CCNI2: variants seen among roughly 807,000 people sequenced by gnomAD.
CCNI2 encodes the protein cyclin I family member 2, also known as cyclin-I2.
A neutral mutation model predicts 33.2 loss-of-function variants in CCNI2; 32 were observed. The observed-to-expected ratio is 0.96, with a 90% CI of 0.73 to 1.30. The LOEUF (loss-of-function observed/expected upper bound fraction) is 1.30. Among genes scored for constraint, CCNI2 ranks in the 50% most tolerant of loss-of-function variants. The pLI is 0.00. For synonymous variants in CCNI2, 231 were observed against 219.9 expected (o/e 1.05, Z -0.45); for missense variants, 452 against 486.2 (o/e 0.93, Z 0.66).
intron 1 of CCNI2, 53 bp from the exon 2 acceptor site, chr5:132,748,294 C>A: frequency 1.2e-6 from 2 of 1,602,050 alleles, no homozygotes; most frequent in Non-Finnish European, 1.7e-6. Context: ...GCTGGGGGAC[C>A]AGGAGTGGCC....
In CCNI2 at chr5:132,750,867, A is replaced by G. The variant is rs144622226; in HGVS notation, c.644A>G (p.Gln215Arg). 5.6e-6 allele frequency: 9 copies of G among 1,613,278 alleles called. No individual in the cohort carries two copies. The highest frequency in any genetic ancestry group is 5.9e-6 in the Non-Finnish European group (7 of 1,179,860). The change falls in exon 4 of 6, where the codon CAA becomes CGA. Residue 215 changes from glutamine to arginine, a missense_variant. Gln to Arg is a conservative substitution (Grantham distance 43). Coordinates refer to ENST00000378731, the MANE Select transcript of CCNI2 (RefSeq NM_001039780.4). ...KVNEEEEFIP[Q>R]VKDFTKHYGS... ...ATTTTCTTTTTACAGTTTATTCCACAAGTAAAAGACTTCACAAAGCACTAT... is the reference window on the plus strand; with the variant it reads ...ATTTTCTTTTTACAGTTTATTCCACGAGTAAAAGACTTCACAAAGCACTAT...
At chr5:132,748,235 G>C in intron 1 of CCNI2, 112 bp from the exon 2 acceptor site, 1 of 1,433,936 alleles carries the variant, frequency 7.0e-7, no homozygotes, top group South Asian at 1.4e-5. Flanking sequence ...GCAGAGGAAG[G>C]GACTTCTCAC....
rs377278808 is a variant in CCNI2 at position 132,752,913 on chromosome 5, A to G, written c.1053A>G (p.Gln351=). The change falls in exon 6 of 6, where the codon CAA becomes CAG. Residue 351 remains glutamine, a synonymous_variant. Transcript: ENST00000378731. ...YSCCKELVMQ[Q]LRSLQSSSCT... ...GCTGCAAGGAACTTGTAATGCAGCAACTGAGAAGTCTTCAGTCATCCTCCT... is the reference window on the plus strand; with the variant it reads ...GCTGCAAGGAACTTGTAATGCAGCAGCTGAGAAGTCTTCAGTCATCCTCCT... 1.4e-5 allele frequency: 22 copies of G among 1,614,074 alleles called. No individual in the cohort carries two copies. The African/African-American group carries it at 2.9e-4, about 22-fold the overall frequency.
intron 1 of CCNI2, 94 bp downstream of exon 1, chr5:132,748,018 G>T (rs1158447205): frequency 1.6e-5 from 20 of 1,275,120 alleles, no homozygotes; most frequent in Non-Finnish European, 2.0e-5. Flanking sequence ...TGAAACTGGA[G>T]GCCGGGCCCT....
chr5:132,754,332 GT>G lies in CCNI2; in HGVS notation c.*1364del, dbSNP rs111617452. 2.7e-4 allele frequency: 188 copies of G among 704,428 alleles called. No individual in the cohort carries two copies. The highest frequency in any genetic ancestry group is 2.0e-3 in the Middle Eastern group (7 of 3,500). 43.6% of individuals were successfully genotyped at this position (704,428 alleles called of 1,614,324 possible). ...CTGCTCACAGCTTCCAGTGGTGGCCGTTGAGTGCCCTCTGCCTCCTTCCTTC... is the reference window on the plus strand; with the variant it reads ...CTGCTCACAGCTTCCAGTGGTGGCCGTGAGTGCCCTCTGCCTCCTTCCTTC... On this transcript the variant is annotated 3_prime_UTR_variant, in exon 6 of 6. Transcript: ENST00000378731.
intron 4 of CCNI2, 99 bp from the exon 5 acceptor site, chr5:132,751,867 A>G: frequency 7.3e-7 from 1 of 1,377,330 alleles, no homozygotes; most frequent in South Asian, 1.3e-5. Context: ...GCAACATTTG[A>G]TGTTCCCTGA....
At chr5:132,755,950 C>T (rs1755289115), downstream of CCNI2, 1 of 949,308 alleles carries the variant, frequency 1.1e-6, no homozygotes, top group Non-Finnish European at 1.2e-6. Flanking sequence ...GATTAATGGG[C>T]TCAGGAAACG....
intron 4 of CCNI2, chr5:132,751,328 C>T (rs576639229): frequency 4.3e-6 from 1 of 231,652 alleles, no homozygotes; most frequent in South Asian, 1.0e-4. Flanking sequence ...TATCTGTCTG[C>T]TTTTGCTACA....
chr5:132,748,514 GA>G, intron 2 of CCNI2, 39 bp downstream of exon 2: 1 of 1,610,886 alleles, frequency 6.2e-7, no homozygotes, highest in Non-Finnish European at 8.5e-7. Flanking sequence ...GATGGTGAGA[GA>G]AGAAACTAAC....
chr5:132,749,107 TTAGCCAGG>T (rs1288851922), intron 2 of CCNI2, among the ~76,000 whole-genome samples: 4 of 151,996 alleles, frequency 2.6e-5, no homozygotes, highest in Non-Finnish European at 5.9e-5. Context: ...AATACAAAAA[TTAGCCAGG>T]TGTGGTGGCC....
chr5:132,748,073 C>T, intron 1 of CCNI2, 149 bp downstream of exon 1: 1 of 978,920 alleles, frequency 1.0e-6, no homozygotes, highest in South Asian at 1.9e-5. Flanking sequence ...CTGGATCCAC[C>T]AGCTTCTCTC....
intron 5 of CCNI2, 25 bp downstream of exon 5, chr5:132,752,221 C>G (rs1482104870): frequency 7.8e-6 from 12 of 1,545,788 alleles, no homozygotes; most frequent in Non-Finnish European, 1.1e-5. Context: ...TGCCCCAGAC[C>G]AGGCTCTGTG....
At chr5:132,751,067 T>C (rs1340987787) in intron 4 of CCNI2, 70 bp downstream of exon 4, 10 of 1,573,414 alleles carry the variant, frequency 6.4e-6, no homozygotes, top group Non-Finnish European at 6.1e-6. Context: ...GTTTACAACA[T>C]GGGATGGCAA....
chr5:132,752,269 G>T, intron 5 of CCNI2, 73 bp downstream of exon 5: 1 of 1,475,318 alleles, frequency 6.8e-7, no homozygotes, highest in Non-Finnish European at 9.1e-7. Flanking sequence ...ACCCCAAAGG[G>T]GTACCCTTTG....
In CCNI2 at chr5:132,747,576, C is replaced by A. The variant is rs74892212; in HGVS notation, c.81C>A (p.Gly27=). The change falls in exon 1 of 6, where the codon GGC becomes GGA. Residue 27 remains glycine, a synonymous_variant. Transcript: ENST00000378731. The surrounding 1 kb of genome is among the most constrained non-coding windows in gnomAD (Gnocchi z 4.1). The part of the protein sequence containing the change: ...SAVQSPGGRP[G]AGLEETALGV... ...TCCAGAGCCCAGGCGGGCGTCCCGG[C>A]GCCGGTCTGGAGGAAACAGCCCTGG... The A allele has an allele frequency of 1.9e-4, 283 of 1,494,478 alleles. 2 individuals are homozygous for A. In the East Asian group the frequency reaches 7.9e-3, roughly 42 times the overall value. The allele number at this position is 1,494,478 out of a possible 1,614,324, so 92.6% of individuals were successfully genotyped here.
At chr5:132,755,889 C>T, downstream of CCNI2, 1 of 852,090 alleles carries the variant, frequency 1.2e-6, no homozygotes, top group Non-Finnish European at 1.4e-6. Flanking sequence ...GTAGATCAAC[C>T]TCCACAAAAT....
At chr5:132,748,954 AAAAG>A (rs1457039932) in intron 2 of CCNI2, among the ~76,000 whole-genome samples, 3 of 152,208 alleles carry the variant, frequency 2.0e-5, no homozygotes, top group African/African-American at 7.2e-5. Flanking sequence ...AATGGGAAAA[AAAAG>A]CTTATTAAAA....
At position 132,750,989 on chromosome 5, in the gene CCNI2, T is replaced by G. The variant is rs1383726515; in HGVS notation, c.766T>G (p.Leu256Val). The change falls in exon 4 of 6, where the codon TTG becomes GTG. Residue 256 changes from leucine to valine, a missense_variant. Physicochemically the swap from Leu to Val is conservative, Grantham distance 32. Transcript: ENST00000378731. Reference protein sequence around the residue: ...DLYIGTPLDFLTIFHALVVLS... With the variant: ...DLYIGTPLDFVTIFHALVVLS... ...CTATATTGGGACGCCGCTGGACTTC[T>G]TGACTATAGTGAGTAAGGAGGTGTT... 1 of 1,613,706 alleles carries G rather than the reference T, an allele frequency of 6.2e-7. No homozygotes were observed. The highest frequency in any genetic ancestry group is 1.1e-5 in the South Asian group (1 of 90,892).
downstream of CCNI2, chr5:132,754,470 A>G (rs1338301998): frequency 2.8e-6 from 2 of 717,510 alleles, no homozygotes; most frequent in Non-Finnish European, 5.2e-6. Context: ...CTGCTTAACC[A>G]GGTGGCTATG....
Sources: allele counts gnomAD v4.1 joint callset (sites outside exome capture counted in the v4.1 genomes callset), GRCh38; gene constraint gnomAD v4.1.1; non-coding constraint Gnocchi (gnomAD v3.1); transcripts MANE v1.5; gene names NCBI Gene and HGNC (gene_info 2026-07-23, HGNC 2026-07-21).